PPARGC1A: variants seen among roughly 807,000 people sequenced by gnomAD.
The protein encoded by PPARGC1A is PPARG coactivator 1 alpha, also known as peroxisome proliferator-activated receptor gamma coactivator 1-alpha.
Under a neutral mutation model 88.7 loss-of-function variants are expected in PPARGC1A, and 25 were observed. That is an observed-to-expected ratio of 0.28 (90% CI 0.21 to 0.39). The LOEUF is 0.39. Ranked by LOEUF, PPARGC1A falls within the 10% of genes least tolerant of loss-of-function variation. The pLI, the probability that PPARGC1A is intolerant of heterozygous loss-of-function variation, is 1.00. For missense variants in PPARGC1A, 880 were observed against 968.7 expected (o/e 0.91, Z 1.22); for synonymous variants, 363 against 355.6 (o/e 1.02, Z -0.24).
intron 2 of PPARGC1A, among the ~76,000 whole-genome samples, 170 bp from the exon 3 acceptor site, chr4:23,831,921 A>G (rs1293470928): frequency 6.6e-6 from 1 of 152,068 alleles, no homozygotes; most frequent in Admixed American, 6.6e-5. Context: ...TTTGGTCCAA[A>G]TGACACAATT....
the PPARGC1A span, among the ~76,000 whole-genome samples, chr4:24,470,306 A>ACAC: frequency 6.8e-6 from 1 of 147,114 alleles, no homozygotes; most frequent in Admixed American, 6.7e-5. The surrounding 1 kb of genome is among the most constrained non-coding windows in gnomAD (Gnocchi z 5.8). Flanking sequence ...ACACACACAC[A>ACAC]CACACACACA....
chr4:24,191,421 C>A, the PPARGC1A span, among the ~76,000 whole-genome samples: 1 of 152,192 alleles, frequency 6.6e-6, no homozygotes, highest in African/African-American at 2.4e-5. Flanking sequence ...AGTTTGGAGC[C>A]ATGCCCAGGT....
intron 1 of PPARGC1A, among the ~76,000 whole-genome samples, chr4:23,887,047 C>G (rs930563612): frequency 2.6e-5 from 4 of 152,186 alleles, no homozygotes; most frequent in African/African-American, 9.7e-5. Flanking sequence ...TAACTGCCCT[C>G]TTTGGCATGA....
upstream of PPARGC1A, among the ~76,000 whole-genome samples, chr4:23,890,941 G>T (rs1717768515): frequency 6.6e-6 from 1 of 152,080 alleles, no homozygotes; most frequent in African/African-American, 2.4e-5. Flanking sequence ...CTGCCTTAGG[G>T]TGCCTTTTTG....
chr4:23,802,077 G>T, intron 11 of PPARGC1A, 147 bp downstream of exon 11: 1 of 1,300,994 alleles, frequency 7.7e-7, no homozygotes, highest in Non-Finnish European at 1.1e-6. Context: ...TTAATAAACA[G>T]GGATGAAAGA....
intron 2 of PPARGC1A, among the ~76,000 whole-genome samples, chr4:23,879,707 G>T (rs1244838018): frequency 6.6e-6 from 1 of 152,072 alleles, no homozygotes; most frequent in Non-Finnish European, 1.5e-5. Flanking sequence ...CTGATTTTCC[G>T]TATTTCCTAC....
the PPARGC1A span, among the ~76,000 whole-genome samples, chr4:23,913,267 T>G: frequency 0.058 from 4,472 of 77,264 alleles, 134 homozygotes; most frequent in South Asian, 0.075. Flanking sequence ...TATATATATA[T>G]AGAGAGAGAG....
the PPARGC1A span, among the ~76,000 whole-genome samples, chr4:24,094,194 C>G: frequency 1.3e-5 from 2 of 152,162 alleles, no homozygotes; most frequent in Admixed American, 1.3e-4. Flanking sequence ...GTGCCTTGGA[C>G]AGTCACCTGG....
At chr4:24,208,488 C>G in the PPARGC1A span, among the ~76,000 whole-genome samples, 1 of 151,842 alleles carries the variant, frequency 6.6e-6, no homozygotes, top group African/African-American at 2.4e-5. Flanking sequence ...TAAAACAGAC[C>G]AAAACAGACA....
the PPARGC1A span, among the ~76,000 whole-genome samples, chr4:24,145,080 T>A: frequency 1.2e-4 from 9 of 74,742 alleles, no homozygotes; most frequent in African/African-American, 1.6e-3. Context: ...GTTGAATGAG[T>A]GTGTGTGTGT....
At chr4:24,012,427 C>G in the PPARGC1A span, among the ~76,000 whole-genome samples, 1 of 152,104 alleles carries the variant, frequency 6.6e-6, no homozygotes, top group Non-Finnish European at 1.5e-5. Flanking sequence ...CCTCCACAGA[C>G]AGCATCTAGC....
At chr4:23,804,651 A>G (rs546061312) in intron 10 of PPARGC1A, among the ~76,000 whole-genome samples, 79 of 152,338 alleles carry the variant, frequency 5.2e-4, no homozygotes, top group African/African-American at 1.9e-3. Flanking sequence ...GCCTGTTGTC[A>G]TCATGGGCTT....
the PPARGC1A span, among the ~76,000 whole-genome samples, chr4:24,015,807 C>T: frequency 6.6e-6 from 1 of 152,140 alleles, no homozygotes; most frequent in Admixed American, 6.6e-5. Flanking sequence ...CAGAAACACA[C>T]TGCAAGATTA....
chr4:24,003,679 G>A, the PPARGC1A span, among the ~76,000 whole-genome samples: 24,532 of 152,058 alleles, frequency 0.16, 2,053 homozygotes, highest in South Asian at 0.19. Flanking sequence ...GCAAAGAGCC[G>A]GCAGGGGGTA....
At chr4:24,022,797 GA>G in the PPARGC1A span, among the ~76,000 whole-genome samples, 1 of 152,188 alleles carries the variant, frequency 6.6e-6, no homozygotes, top group African/African-American at 2.4e-5. Flanking sequence ...ATGCCAAATG[GA>G]TATGAACCCG....
the PPARGC1A span, among the ~76,000 whole-genome samples, chr4:24,047,054 G>C: frequency 6.6e-6 from 1 of 152,140 alleles, no homozygotes; most frequent in African/African-American, 2.4e-5. Flanking sequence ...TGAAGACTCT[G>C]TTTTCTGGCT....
intron 2 of PPARGC1A, among the ~76,000 whole-genome samples, chr4:23,852,725 A>G (rs996786055): frequency 6.6e-6 from 1 of 152,136 alleles, no homozygotes; most frequent in Non-Finnish European, 1.5e-5. Flanking sequence ...TAACTCTTTT[A>G]AAGTATTATA....
chr4:24,108,178 C>G, the PPARGC1A span, among the ~76,000 whole-genome samples: 1 of 152,094 alleles, frequency 6.6e-6, no homozygotes, highest in Non-Finnish European at 1.5e-5. Flanking sequence ...TAGTATTTCT[C>G]CAAGTGCCTT....
chr4:24,234,888 C>T, the PPARGC1A span, among the ~76,000 whole-genome samples: 1 of 152,194 alleles, frequency 6.6e-6, no homozygotes, highest in East Asian at 1.9e-4. Context: ...TAGGATAGTC[C>T]TCTATTACAA....
Sources: allele counts gnomAD v4.1 joint callset (sites outside exome capture counted in the v4.1 genomes callset), GRCh38; gene constraint gnomAD v4.1.1; non-coding constraint Gnocchi (gnomAD v3.1); transcripts MANE v1.5; gene names NCBI Gene and HGNC (gene_info 2026-07-23, HGNC 2026-07-21).